GATA3: variants seen among roughly 807,000 people sequenced by gnomAD.
The protein encoded by GATA3 is GATA binding protein 3.
GATA3 carries 6 observed loss-of-function variants against 36.0 expected under a neutral mutation model. That is an observed-to-expected ratio of 0.17 (90% CI 0.09 to 0.33). GATA3 has a LOEUF of 0.33. Ranked by LOEUF, GATA3 falls within the 10% of genes least tolerant of loss-of-function variation. The pLI is 1.00. For synonymous variants in GATA3, 326 were observed against 273.0 expected (o/e 1.19, Z -1.92); for missense variants, 514 against 610.1 (o/e 0.84, Z 1.66).
chr10:8,056,967 C>T (rs1196302876), intron 2 of GATA3, among the ~76,000 whole-genome samples: 1 of 152,204 alleles, frequency 6.6e-6, no homozygotes, highest in Non-Finnish European at 1.5e-5. Flanking sequence ...CAGAGCCTGC[C>T]TTGACACGGA....
chr10:8,062,744 T>A (rs1205310335), intron 3 of GATA3, among the ~76,000 whole-genome samples: 1 of 152,158 alleles, frequency 6.6e-6, no homozygotes, highest in Non-Finnish European at 1.5e-5. Context: ...TCCGGGGTCC[T>A]CCTCTGGGCC....
intron 3 of GATA3, among the ~76,000 whole-genome samples, chr10:8,062,857 G>A (rs541584262): frequency 8.5e-5 from 13 of 152,162 alleles, no homozygotes; most frequent in African/African-American, 2.9e-4. Flanking sequence ...CTAGAGACCC[G>A]TGTGTCCCTG....
upstream of GATA3, chr10:8,051,205 G>C (rs774792174): frequency 4.4e-6 from 2 of 451,756 alleles, no homozygotes; most frequent in Non-Finnish European, 9.3e-6. Flanking sequence ...GTGTGTGGTA[G>C]CTTAACCCCT....
intron 1 of GATA3, among the ~76,000 whole-genome samples, chr10:8,046,647 CAGTGTGTGTG>C (rs1452521960): frequency 6.4e-5 from 6 of 93,952 alleles, no homozygotes; most frequent in African/African-American, 8.1e-5. Flanking sequence ...AAATGGCTGG[CAGTGTGTGTG>C]TGTGTGTGTG....
chr10:8,056,782 G>A (rs1362878909), intron 2 of GATA3, among the ~76,000 whole-genome samples: 2 of 152,102 alleles, frequency 1.3e-5, no homozygotes, highest in African/African-American at 2.4e-5. Flanking sequence ...AAGTTCAGGA[G>A]AGTTCTGAAA....
intron 4 of GATA3, among the ~76,000 whole-genome samples, chr10:8,066,127 A>G (rs573871537): frequency 6.6e-6 from 1 of 151,880 alleles, no homozygotes; most frequent in African/African-American, 2.4e-5. Flanking sequence ...TAAAAGTCTC[A>G]AGGCATGGGC....
chr10:8,065,980 AAGAG>A (rs1212543564), intron 4 of GATA3, among the ~76,000 whole-genome samples: 10 of 104,242 alleles, frequency 9.6e-5, no homozygotes, highest in South Asian at 3.4e-4. Context: ...AAAAAAAAAA[AAGAG>A]AGAGAGAGAG....
chr10:8,066,741 G>C (rs1378549550), intron 4 of GATA3, among the ~76,000 whole-genome samples: 1 of 152,214 alleles, frequency 6.6e-6, no homozygotes, highest in African/African-American at 2.4e-5. Flanking sequence ...CTCACCACTA[G>C]TGAGAGGCTG....
chr10:8,062,170 G>A (rs1564400793), intron 3 of GATA3, among the ~76,000 whole-genome samples: 1 of 152,206 alleles, frequency 6.6e-6, no homozygotes. Context: ...GTCTGGGTGT[G>A]ATTCAGGCCT....
upstream of GATA3, among the ~76,000 whole-genome samples, chr10:8,054,344 G>T (rs1346535492): frequency 6.6e-6 from 1 of 152,210 alleles, no homozygotes; most frequent in Non-Finnish European, 1.5e-5. The surrounding 1 kb of genome is among the most constrained non-coding windows in gnomAD (Gnocchi z 4.2). Context: ...CACCGGGACG[G>T]AATCGTCCAC....
At chr10:8,069,388 T>C (rs1385979151) in intron 4 of GATA3, 85 bp from the exon 5 acceptor site, 1 of 1,323,364 alleles carries the variant, frequency 7.6e-7, no homozygotes, top group Non-Finnish European at 1.1e-6. Context: ...CTTCCTTTTT[T>C]TTTTTTTCAA....
At chr10:8,071,001 G>A (rs2131514623) in intron 5 of GATA3, among the ~76,000 whole-genome samples, 1 of 152,286 alleles carries the variant, frequency 6.6e-6, no homozygotes, top group Middle Eastern at 3.4e-3. Flanking sequence ...GGGCTTATAA[G>A]CTATTAGGTT....
intron 3 of GATA3, among the ~76,000 whole-genome samples, chr10:8,060,326 G>C (rs1473512467): frequency 1.3e-5 from 2 of 152,188 alleles, no homozygotes; most frequent in Non-Finnish European, 2.9e-5. Context: ...AGGGAGGCAG[G>C]CTAGCTGGTG....
At position 8,074,278 on chromosome 10, in the gene GATA3, GA is replaced by G. The variant is rs3839918; in HGVS notation, c.*265del. The G allele has an allele frequency of 3.4e-4, 133 of 392,458 alleles. No homozygotes were observed. The highest frequency in any genetic ancestry group is 6.6e-4 in the Middle Eastern group (1 of 1,510). The allele number at this position is 392,458 out of a possible 1,614,324, so 24.3% of individuals were successfully genotyped here. ...TATTTAACAGGGTCTCTAGTGCTGT[GA>G]AAAAAAAAATGCTGAACATTGCATA... On this transcript the variant is annotated 3_prime_UTR_variant, in exon 6 of 6. Coordinates refer to ENST00000379328, the MANE Select transcript of GATA3 (RefSeq NM_001002295.2).
intron 5 of GATA3, 91 bp downstream of exon 5, chr10:8,069,689 C>A: frequency 6.9e-7 from 1 of 1,443,386 alleles, no homozygotes; most frequent in Non-Finnish European, 9.6e-7. Context: ...GTGAATCGCT[C>A]ACCATGGGGG....
At chr10:8,050,895 C>T (rs1832469278), upstream of GATA3, 1 of 485,220 alleles carries the variant, frequency 2.1e-6, no homozygotes, top group Admixed American at 2.3e-5. Context: ...TCCGCTTTGC[C>T]TGTTACCCAG....
intron 4 of GATA3, among the ~76,000 whole-genome samples, chr10:8,068,904 G>C (rs1327540274): frequency 6.6e-6 from 1 of 152,240 alleles, no homozygotes; most frequent in Non-Finnish European, 1.5e-5. Flanking sequence ...TGTTGTGTTG[G>C]CACACTGTTC....
intron 3 of GATA3, among the ~76,000 whole-genome samples, chr10:8,061,654 G>C (rs1022937819): frequency 2.6e-5 from 4 of 152,240 alleles, no homozygotes; most frequent in African/African-American, 9.6e-5. Context: ...CAACCTTGCC[G>C]AGTGAATCAA....
chr10:8,063,965 A>G (rs943502633), intron 3 of GATA3, 28 bp from the exon 4 acceptor site: 4 of 1,614,156 alleles, frequency 2.5e-6, no homozygotes, highest in Non-Finnish European at 3.4e-6. Flanking sequence ...TCCTTCCCTA[A>G]GTGGCTTATC....
Sources: allele counts gnomAD v4.1 joint callset (sites outside exome capture counted in the v4.1 genomes callset), GRCh38; gene constraint gnomAD v4.1.1; non-coding constraint Gnocchi (gnomAD v3.1); transcripts MANE v1.5; gene names NCBI Gene and HGNC (gene_info 2026-07-23, HGNC 2026-07-21).